The following LRCH1 variants were observed in gnomAD, a reference collection of about 807,000 sequenced individuals.
LRCH1 encodes the protein leucine-rich repeat and calponin homology domain-containing protein 1.
Under a neutral mutation model 94.9 loss-of-function variants are expected in LRCH1, and 23 were observed. That is an observed-to-expected ratio of 0.24 (90% CI 0.17 to 0.34). The LOEUF (loss-of-function observed/expected upper bound fraction) is 0.34, where lower values mean the gene tolerates loss of function less well. LRCH1 is among the 10% of genes least tolerant of loss of function. The pLI is 1.00. For synonymous variants in LRCH1, 364 were observed against 354.9 expected, an observed-to-expected ratio of 1.03 and a Z score of -0.29; for missense variants, 790 against 945.9, an observed-to-expected ratio of 0.84 and a Z score of 2.16.
intron 1 of LRCH1, among the ~76,000 whole-genome samples, chr13:46,646,870 T>C (rs1034478272): frequency 1.3e-5 from 2 of 152,166 alleles, no homozygotes; most frequent in African/African-American, 4.8e-5. Flanking sequence ...CCCAGCACTT[T>C]GGGAGGTCGA....
At chr13:46,594,560 G>A (rs1240639395) in intron 1 of LRCH1, among the ~76,000 whole-genome samples, 1 of 152,218 alleles carries the variant, frequency 6.6e-6, no homozygotes, top group Admixed American at 6.5e-5. Flanking sequence ...TACACAGAAT[G>A]TTTGCATTAT....
intron 2 of LRCH1, among the ~76,000 whole-genome samples, chr13:46,651,984 T>G (rs2051308531): frequency 7.1e-6 from 1 of 140,072 alleles, no homozygotes; most frequent in Non-Finnish European, 1.6e-5. Context: ...GCCTCCCGGG[T>G]TCACGCCATT....
At chr13:46,701,034 A>C in intron 10 of LRCH1, 87 bp from the exon 11 acceptor site, 1 of 818,024 alleles carries the variant, frequency 1.2e-6, no homozygotes, top group Non-Finnish European at 2.1e-6. Context: ...TGTTAGATGG[A>C]TTTTTGTAAG....
chr13:46,613,760 A>G (rs2050773620), intron 1 of LRCH1, among the ~76,000 whole-genome samples: 1 of 152,234 alleles, frequency 6.6e-6, no homozygotes, highest in African/African-American at 2.4e-5. Flanking sequence ...ATACAACATA[A>G]GCAGGGTGAC....
At chr13:46,600,618 T>TACACACACACACACACGCAC (rs1555271758) in intron 1 of LRCH1, among the ~76,000 whole-genome samples, 1 of 143,184 alleles carries the variant, frequency 7.0e-6, no homozygotes, top group Non-Finnish European at 1.5e-5. Flanking sequence ...TGACCAGATT[T>TACACACACACACACACGCAC]ACACACACAC....
intron 18 of LRCH1, among the ~76,000 whole-genome samples, chr13:46,733,699 C>T (rs1200967857): frequency 6.6e-6 from 1 of 151,824 alleles, no homozygotes; most frequent in Non-Finnish European, 1.5e-5. Context: ...CATATATGAA[C>T]ACAGTGTCTG....
chr13:46,645,811 G>T (rs188353480), intron 1 of LRCH1, among the ~76,000 whole-genome samples: 2 of 152,310 alleles, frequency 1.3e-5, no homozygotes, highest in Admixed American at 1.3e-4. Context: ...AAACATTGGT[G>T]ATGCTGAAAT....
intron 1 of LRCH1, among the ~76,000 whole-genome samples, chr13:46,630,615 A>T (rs1382172552): frequency 6.6e-6 from 1 of 152,178 alleles, no homozygotes; most frequent in Non-Finnish European, 1.5e-5. Context: ...TTCTCTGCCA[A>T]GCTTTTGTGT....
chr13:46,741,619 T>C, intron 19 of LRCH1, 23 bp from the exon 20 acceptor site: 1 of 1,614,014 alleles, frequency 6.2e-7, no homozygotes, highest in Non-Finnish European at 8.5e-7. Context: ...CTCTTTCTGT[T>C]CTAATGGCTG....
intron 1 of LRCH1, among the ~76,000 whole-genome samples, chr13:46,597,785 C>T (rs2050581213): frequency 7.0e-6 from 1 of 143,508 alleles, no homozygotes; most frequent in Non-Finnish European, 1.5e-5. Flanking sequence ...AATGAACCAA[C>T]AACTTAGATC....
chr13:46,625,632 G>T (rs2897207), intron 1 of LRCH1, among the ~76,000 whole-genome samples: 69,744 of 128,438 alleles, frequency 0.54, 19,033 homozygotes, highest in Middle Eastern at 0.62. Context: ...AATGTGTGGG[G>T]TTTTTTTTTT....
chr13:46,600,202 G>C (rs1284550087), intron 1 of LRCH1, among the ~76,000 whole-genome samples: 9 of 152,176 alleles, frequency 5.9e-5, no homozygotes, highest in Admixed American at 4.6e-4. Flanking sequence ...TTTTAACATA[G>C]TAACATAAAC....
chr13:46,604,296 G>T (rs2050664320), intron 1 of LRCH1, among the ~76,000 whole-genome samples: 1 of 152,204 alleles, frequency 6.6e-6, no homozygotes, highest in Non-Finnish European at 1.5e-5. Context: ...GAGGGCCTTG[G>T]ATGTGGCCAG....
chr13:46,657,521 TTTTTTTTTTTTTTTTTTTTTTG>T, intron 2 of LRCH1, among the ~76,000 whole-genome samples: 2 of 62,938 alleles, frequency 3.2e-5, no homozygotes, highest in South Asian at 6.9e-4. Flanking sequence ...TTTTTTTTTT[TTTTTTTTTTTTTTTTTTTTTTG>T]AGGCAGGGTC....
intron 1 of LRCH1, among the ~76,000 whole-genome samples, chr13:46,635,081 G>T (rs1196177896): frequency 6.6e-6 from 1 of 152,190 alleles, no homozygotes; most frequent in East Asian, 1.9e-4. Flanking sequence ...ACACAACCAA[G>T]TGAACCCAGT....
intron 1 of LRCH1, among the ~76,000 whole-genome samples, chr13:46,630,566 A>G (rs1244310690): frequency 6.6e-6 from 1 of 152,210 alleles, no homozygotes; most frequent in Non-Finnish European, 1.5e-5. Context: ...TTAATTTGAT[A>G]AGAGCTCTAC....
chr13:46,617,821 T>A (rs911496500), intron 1 of LRCH1, among the ~76,000 whole-genome samples: 2 of 152,210 alleles, frequency 1.3e-5, no homozygotes, highest in African/African-American at 4.8e-5. Context: ...CCCCAAAACA[T>A]TTTTTTCTTT....
At chr13:46,627,840 T>G (rs2050969452) in intron 1 of LRCH1, among the ~76,000 whole-genome samples, 1 of 152,226 alleles carries the variant, frequency 6.6e-6, no homozygotes, top group Non-Finnish European at 1.5e-5. Context: ...TTTCTCTGAG[T>G]CATCCACATT....
intron 2 of LRCH1, among the ~76,000 whole-genome samples, chr13:46,656,384 G>A (rs992489867): frequency 1.3e-5 from 2 of 152,198 alleles, no homozygotes; most frequent in Non-Finnish European, 2.9e-5. Context: ...CTGGAAAGGA[G>A]GAGGAGTTTT....
Sources: gnomAD v4.1 joint callset for allele counts (sites outside exome capture counted in the v4.1 genomes callset) on GRCh38, gnomAD v4.1.1 for gene constraint, MANE v1.5 for transcripts, NCBI Gene and HGNC (gene_info 2026-07-23, HGNC 2026-07-21) for gene names.